COL11A1: variants seen among roughly 807,000 people sequenced by gnomAD.
The protein encoded by COL11A1 is collagen type XI alpha 1 chain.
Under a neutral mutation model 265.2 loss-of-function variants are expected in COL11A1, and 74 were observed. The observed-to-expected ratio is 0.28, with a 90% confidence interval of 0.23 to 0.34. The LOEUF (loss-of-function observed/expected upper bound fraction) is 0.34. Among genes scored for constraint, COL11A1 ranks in the 10% least tolerant of loss-of-function variants. COL11A1 has a pLI of 1.00. For missense variants in COL11A1, 2,165 were observed against 2,263.6 expected (o/e 0.96, Z 0.88); for synonymous variants, 816 against 727.6 (o/e 1.12, Z -1.96).
chr1:103,102,099 T>C (rs1344349638), intron 1 of COL11A1, among the ~76,000 whole-genome samples: 3 of 152,044 alleles, frequency 2.0e-5, no homozygotes, highest in Non-Finnish European at 4.4e-5. Flanking sequence ...GCTAGTATTA[T>C]TCATGTTGAG....
chr1:102,937,268 C>T (rs569442564), intron 44 of COL11A1, among the ~76,000 whole-genome samples: 2 of 152,198 alleles, frequency 1.3e-5, no homozygotes, highest in Admixed American at 1.3e-4. Flanking sequence ...GATTTGCTGG[C>T]CCATATAATG....
At chr1:102,904,694 AG>A (rs1461661778) in intron 54 of COL11A1, among the ~76,000 whole-genome samples, 9 of 152,244 alleles carry the variant, frequency 5.9e-5, no homozygotes, top group African/African-American at 1.7e-4. Context: ...CACACCAGTT[AG>A]AATGGTGATC....
rs1656605839 is a variant in COL11A1 at position 102,926,413 on chromosome 1, A to G, written c.3601-3024T>C. Among the ~76,000 whole-genome samples the G allele has an allele frequency of 4.6e-5, 7 of 152,210 alleles. No homozygotes were observed. In the South Asian group the frequency reaches 1.4e-3, roughly 31 times the overall value. On this transcript the variant is annotated intron_variant, in intron 46 of 66. Coordinates refer to ENST00000370096, the MANE Select transcript of COL11A1 (RefSeq NM_001854.4). Reference sequence around the variant, plus strand: ...TATATATCCTTCATATGCAGATGACAGTAAACATCAAATTGAAAAATCAAG... The same window carrying G: ...TATATATCCTTCATATGCAGATGACGGTAAACATCAAATTGAAAAATCAAG...
At chr1:102,962,078 A>G (rs1177178697) in intron 40 of COL11A1, 98 bp downstream of exon 40, 2 of 1,113,944 alleles carry the variant, frequency 1.8e-6, no homozygotes, top group Admixed American at 1.8e-5. Context: ...ATATGTTTAT[A>G]TATCTTCCCT....
At chr1:102,982,916 GT>G (rs1663175911) in intron 31 of COL11A1, among the ~76,000 whole-genome samples, 1 of 152,000 alleles carries the variant, frequency 6.6e-6, no homozygotes, top group Non-Finnish European at 1.5e-5. Flanking sequence ...CATACCTATT[GT>G]TTCTGTTATG....
In COL11A1 at chr1:103,024,531, A is replaced by G. The variant is rs561784170; in HGVS notation, c.990+990T>C. Among the ~76,000 whole-genome samples the G allele has an allele frequency of 1.1e-4, 16 of 152,212 alleles. No homozygotes were observed. In the East Asian group the frequency reaches 3.1e-3, roughly 29 times the overall value. ...TAACCGTAATTTTTTTTGTATTCTT[A>G]GATAAGGAGTATATGCTGTCTACAG... is the stretch of plus-strand genomic sequence containing the variant. On this transcript the variant is annotated intron_variant, in intron 7 of 66. Transcript: ENST00000370096.
intron 54 of COL11A1, among the ~76,000 whole-genome samples, chr1:102,906,251 G>A (rs1653967077): frequency 6.6e-6 from 1 of 152,074 alleles, no homozygotes; most frequent in African/African-American, 2.4e-5. Flanking sequence ...CTTATCCCAA[G>A]TCACATTTTT....
At chr1:102,994,729 GA>G (rs1393903391) in intron 28 of COL11A1, among the ~76,000 whole-genome samples, 5 of 152,196 alleles carry the variant, frequency 3.3e-5, no homozygotes, top group African/African-American at 1.2e-4. Flanking sequence ...AACTTTGTAT[GA>G]AATTTTGTAG....
chr1:103,026,303 G>T lies in COL11A1; in HGVS notation c.810C>A (p.Asp270Glu), dbSNP rs1384158012. Residue 270 changes from aspartate to glutamate, a missense_variant, in exon 6 of 67, where the codon GAC becomes GAA. By Grantham distance (45) the Asp-to-Glu change is conservative. Coordinates refer to ENST00000370096, the MANE Select transcript of COL11A1 (RefSeq NM_001854.4). ...TATACTCTGCTTCCCCATACTCATA[G>T]TCATATTCGATTATATCCTCTGGTG... is the stretch of plus-strand genomic sequence containing the variant. ...EYAPEDIIEY[D>E]YEYGEAEYKE... The T allele has an allele frequency of 1.2e-6, 2 of 1,613,106 alleles. No individual in the cohort carries two copies. Among genetic ancestry groups the T allele is most frequent in the Non-Finnish European group, 1.7e-6 (2 of 1,179,306 alleles).
intron 15 of COL11A1, among the ~76,000 whole-genome samples, chr1:103,007,717 G>A (rs889099890): frequency 2.0e-5 from 3 of 151,794 alleles, no homozygotes; most frequent in Admixed American, 6.6e-5. Context: ...AAAATTTGCC[G>A]GGCATGGTGG....
At chr1:102,996,118 A>G in intron 26 of COL11A1, 76 bp from the exon 27 acceptor site, 1 of 1,431,118 alleles carries the variant, frequency 7.0e-7, no homozygotes, top group Admixed American at 1.7e-5. Context: ...AATTTTACCA[A>G]CTAATCTACA....
At chr1:102,944,704 A>T (rs915616674) in intron 42 of COL11A1, among the ~76,000 whole-genome samples, 2 of 152,106 alleles carry the variant, frequency 1.3e-5, no homozygotes, top group Non-Finnish European at 2.9e-5. Flanking sequence ...CATAAATCTA[A>T]GGTTTTTATC....
intron 30 of COL11A1, among the ~76,000 whole-genome samples, chr1:102,986,430 G>T (rs1300886703): frequency 8.9e-6 from 1 of 111,992 alleles, no homozygotes; most frequent in South Asian, 3.7e-4. Context: ...GGGGGAGGGG[G>T]GAGGGATAGC....
In COL11A1 at chr1:103,026,336, C is replaced by T. The variant is rs200821950; in HGVS notation, c.781-4G>A. 1.3e-6 allele frequency: 2 copies of T among 1,587,416 alleles called. No homozygotes were observed. Among genetic ancestry groups the T allele is most frequent in the African/African-American group, 2.7e-5 (2 of 74,540 alleles). ...CGATTATATCCTCTGGTGCATACTA[C>T]ATTGCAAAGGAAAAAATATCAGGCA... On this transcript the variant is annotated splice_polypyrimidine_tract_variant and splice_region_variant and intron_variant, in intron 5 of 66. Coordinates refer to ENST00000370096, the MANE Select transcript of COL11A1 (RefSeq NM_001854.4).
At chr1:102,897,615 A>AG (rs1382155721) in intron 57 of COL11A1, among the ~76,000 whole-genome samples, 1 of 152,130 alleles carries the variant, frequency 6.6e-6, no homozygotes, top group Admixed American at 6.5e-5. Context: ...GCATTTCTCA[A>AG]GCATGTTGTT....
intron 3 of COL11A1, among the ~76,000 whole-genome samples, chr1:103,076,011 T>A (rs1183725984): frequency 6.6e-6 from 1 of 152,078 alleles, no homozygotes; most frequent in East Asian, 1.9e-4. Context: ...ATTATAGGTA[T>A]GTGCTTTTCA....
chr1:103,060,383 TAA>T (rs1670577800), intron 4 of COL11A1, among the ~76,000 whole-genome samples: 2 of 152,244 alleles, frequency 1.3e-5, no homozygotes, highest in East Asian at 1.9e-4. Flanking sequence ...AAAAATTATA[TAA>T]GTGAGAAGCT....
chr1:102,912,507 G>T lies in COL11A1; in HGVS notation c.4033-295C>A, dbSNP rs12119468. Among the ~76,000 whole-genome samples, 9,046 of 152,180 alleles carry T rather than the reference G, an allele frequency of 0.059. 333 individuals are homozygous for T. Among genetic ancestry groups the T allele is most frequent in the Non-Finnish European group, 0.085 (5,766 of 68,022 alleles). On this transcript the variant is annotated intron_variant, in intron 53 of 66. Coordinates refer to ENST00000370096, the MANE Select transcript of COL11A1 (RefSeq NM_001854.4). Reference sequence around the variant, plus strand: ...ATTTATATCTGGCAAGCATTAAACAGGCATGCTAATTAATATAATCATATG... The same window carrying T: ...ATTTATATCTGGCAAGCATTAAACATGCATGCTAATTAATATAATCATATG...
In COL11A1 at chr1:102,887,009, T is replaced by C. The variant is rs769593192; in HGVS notation, c.4656A>G (p.Lys1552=). ...VIQPLPILSS[K]KTRRHTEGMQ... is the part of the protein sequence containing the mutation. ...TGCCTTCAGTATGTCTTCTCGTTTT[T>C]TTGGAGGACAAGATTGGTAAAGGCT... is the stretch of plus-strand genomic sequence containing the variant. The change falls in exon 63 of 67, where the codon AAA becomes AAG. Residue 1552 remains lysine (K), a synonymous_variant. Coordinates refer to ENST00000370096, the MANE Select transcript of COL11A1 (RefSeq NM_001854.4). 45 of 1,613,794 alleles carry C rather than the reference T, an allele frequency of 2.8e-5. No individual in the cohort carries two copies. Among genetic ancestry groups the C allele is most frequent in the Admixed American group, 3.3e-5 (2 of 59,974 alleles).
Sources: allele counts gnomAD v4.1 joint callset (sites outside exome capture counted in the v4.1 genomes callset), GRCh38; gene constraint gnomAD v4.1.1; transcripts MANE v1.5; gene names NCBI Gene and HGNC (gene_info 2026-07-23, HGNC 2026-07-21).